VPS8: variants seen among roughly 807,000 people sequenced by gnomAD.
The protein encoded by VPS8 is vacuolar protein sorting-associated protein 8 homolog.
In VPS8, 129 loss-of-function variants were observed where a neutral mutation model predicts 216.4. The ratio of observed to expected loss-of-function variants is 0.60; its 90% confidence interval spans 0.52 to 0.69. VPS8 has a LOEUF of 0.69. Ranked by LOEUF, VPS8 falls within the 30% of genes least tolerant of loss-of-function variation. The pLI is 0.00. For synonymous variants in VPS8, 571 were observed against 565.4 expected, an observed-to-expected ratio of 1.01 and a Z score of -0.14; for missense variants, 1,531 against 1,683.5, an observed-to-expected ratio of 0.91 and a Z score of 1.59.
In VPS8 at chr3:184,849,204, T is replaced by C. The variant is rs1723778015; in HGVS notation, c.666+9T>C. 5 of 1,610,068 alleles carry C rather than the reference T, an allele frequency of 3.1e-6. No individual in the cohort carries two copies. Among genetic ancestry groups the C allele is most frequent in the African/African-American group, 1.3e-5 (1 of 74,712 alleles). On this transcript the variant is annotated intron_variant, in intron 9 of 47. Transcript: ENST00000625842. ...GCTTTGCTAAAGGACAGGTAAGATA[T>C]GAACCTCCTTTAATTCATAAGACAA...
chr3:184,964,407 G>A lies in VPS8; in HGVS notation c.3184-61G>A, dbSNP rs193263727. ...ATATGAGTTTTTTCATCCTCAATGGGATCTTCCCACTCCACAAATAAGATT... is the reference window on the plus strand; with the variant it reads ...ATATGAGTTTTTTCATCCTCAATGGAATCTTCCCACTCCACAAATAAGATT... On this transcript the variant is annotated intron_variant, in intron 37 of 47. Coordinates refer to ENST00000625842, the MANE Select transcript of VPS8 (RefSeq NM_001009921.3). The A allele has an allele frequency of 7.5e-5, 80 of 1,063,980 alleles. No homozygotes were observed. In the African/African-American group the frequency reaches 1.1e-3, roughly 15 times the overall value. The allele number at this position is 1,063,980 out of a possible 1,614,324, so 65.9% of individuals were successfully genotyped here.
intron 30 of VPS8, among the ~76,000 whole-genome samples, chr3:184,925,914 C>T (rs1236113304): frequency 6.6e-6 from 1 of 151,128 alleles, no homozygotes; most frequent in African/African-American, 2.4e-5. Context: ...GCTGGGATTA[C>T]AGGCACATAC....
chr3:184,968,547 C>T (rs1747800668), intron 39 of VPS8, among the ~76,000 whole-genome samples: 1 of 152,140 alleles, frequency 6.6e-6, no homozygotes, highest in South Asian at 2.1e-4. Flanking sequence ...CATTTATATT[C>T]TCTTTTTTTT....
In VPS8 at chr3:184,854,149, A is replaced by G. The variant is rs375397073; in HGVS notation, c.1011A>G (p.Val337=). The change falls in exon 13 of 48, where the codon GTA becomes GTG. Residue 337 remains valine, a synonymous_variant. Coordinates refer to ENST00000625842, the MANE Select transcript of VPS8 (RefSeq NM_001009921.3). ...LVIGLKPSLK[V]WMTFPYGRMD... is the part of the protein sequence containing the mutation. ...TTGGATTGAAACCATCCTTGAAAGT[A>G]TGGATGACTTTTCCCTATGGCCGGG... The G allele has an allele frequency of 2.5e-6, 4 of 1,613,832 alleles. No individual in the cohort carries two copies. Among genetic ancestry groups the G allele is most frequent in the Non-Finnish European group, 3.4e-6 (4 of 1,179,768 alleles).
At position 184,957,479 on chromosome 3, in the gene VPS8, T is replaced by A. The variant is rs376393613; in HGVS notation, c.3141T>A (p.Thr1047=). 7 of 1,612,402 alleles carry A rather than the reference T, an allele frequency of 4.3e-6. No homozygotes were observed. The highest frequency in any genetic ancestry group is 5.9e-6 in the Non-Finnish European group (7 of 1,179,280). ...CQFNPTQVIE[T]LQVLECYRLE... is the part of the protein sequence containing the mutation. ...TCAACCCAACCCAAGTTATAGAGAC[T>A]CTGCAAGTCCTTGAGTGCTACCGTC... Residue 1047 remains threonine, a synonymous_variant, in exon 37 of 48, where the codon ACT becomes ACA. Coordinates refer to ENST00000625842, the MANE Select transcript of VPS8 (RefSeq NM_001009921.3).
intron 46 of VPS8, among the ~76,000 whole-genome samples, chr3:185,024,654 A>C (rs553687655): frequency 2.0e-5 from 3 of 152,316 alleles, no homozygotes; most frequent in African/African-American, 7.2e-5. Flanking sequence ...GGTATCAATG[A>C]GTGGTAGTAG....
chr3:184,936,273 G>A lies in VPS8; in HGVS notation c.2926G>A (p.Ala976Thr). The A allele has an allele frequency of 1.2e-6, 2 of 1,611,078 alleles. No homozygotes were observed. The highest frequency in any genetic ancestry group is 1.7e-6 in the Non-Finnish European group (2 of 1,178,676). Residue 976 changes from alanine to threonine, a missense_variant, in exon 35 of 48, where the codon GCT becomes ACT. Transcript: ENST00000625842. ...EELVSLKPCK[A>T]AELVATHFSG... ...ACTCGTGTCCCTGAAGCCTTGTAAA[G>A]CTGCGGAGCTGGTTGCCACCCACTT... is the stretch of plus-strand genomic sequence containing the variant.
chr3:184,821,062 T>A (rs1344911505), intron 1 of VPS8, among the ~76,000 whole-genome samples: 1 of 152,186 alleles, frequency 6.6e-6, no homozygotes, highest in Non-Finnish European at 1.5e-5. Context: ...ACTTTGAAAA[T>A]TTTGAGGTTT....
At chr3:184,886,476 C>A (rs929553402) in intron 22 of VPS8, among the ~76,000 whole-genome samples, 1 of 151,712 alleles carries the variant, frequency 6.6e-6, no homozygotes, top group African/African-American at 2.4e-5. Context: ...TATATACACA[C>A]ACACACGCAT....
chr3:184,826,351 G>A (rs777817717), intron 3 of VPS8, 120 bp downstream of exon 3: 2 of 568,904 alleles, frequency 3.5e-6, no homozygotes, highest in Non-Finnish European at 5.9e-6. Context: ...CACTAGTCGT[G>A]TGTGTCAGTT....
chr3:184,939,275 T>G (rs1742214572), intron 35 of VPS8, among the ~76,000 whole-genome samples: 2 of 151,942 alleles, frequency 1.3e-5, no homozygotes, highest in African/African-American at 4.8e-5. Context: ...TAACACAAAG[T>G]GATAGTGAAA....
At chr3:184,818,038 AAAAGG>A (rs1716713850) in intron 1 of VPS8, among the ~76,000 whole-genome samples, 1 of 152,190 alleles carries the variant, frequency 6.6e-6, no homozygotes, top group African/African-American at 2.4e-5. Context: ...AATGTAGAGA[AAAAGG>A]AAAGGAAAGG....
chr3:184,965,064 G>A (rs1747165472), intron 38 of VPS8, among the ~76,000 whole-genome samples: 1 of 152,142 alleles, frequency 6.6e-6, no homozygotes, highest in African/African-American at 2.4e-5. Flanking sequence ...CAACACTCAG[G>A]GGTTCCAGTT....
At chr3:185,012,202 A>G (rs1755106466) in intron 45 of VPS8, among the ~76,000 whole-genome samples, 1 of 149,320 alleles carries the variant, frequency 6.7e-6, no homozygotes. Context: ...TACAAATTAT[A>G]GCTATATCTA....
intron 42 of VPS8, among the ~76,000 whole-genome samples, chr3:184,990,367 G>C (rs1377713286): frequency 6.6e-6 from 1 of 152,140 alleles, no homozygotes; most frequent in Admixed American, 6.5e-5. Context: ...TGTGAGTTTT[G>C]TAAAAGCAGA....
At chr3:184,896,144 G>A (rs1014038558) in intron 23 of VPS8, among the ~76,000 whole-genome samples, 5 of 152,058 alleles carry the variant, frequency 3.3e-5, no homozygotes, top group African/African-American at 1.2e-4. Flanking sequence ...CTGTGAGTTT[G>A]CAAAGTAAAG....
At chr3:185,004,018 G>A (rs556799511) in intron 45 of VPS8, among the ~76,000 whole-genome samples, 6 of 151,900 alleles carry the variant, frequency 3.9e-5, no homozygotes, top group African/African-American at 9.7e-5. Flanking sequence ...GGGCAGAGAC[G>A]CTCCTCACTT....
intron 36 of VPS8, among the ~76,000 whole-genome samples, chr3:184,948,566 A>G (rs1230361774): frequency 6.6e-6 from 1 of 152,170 alleles, no homozygotes; most frequent in African/African-American, 2.4e-5. Context: ...CAAGCCACGG[A>G]CTTTACCAGT....
chr3:184,876,380 A>C (rs1382090677), intron 21 of VPS8, among the ~76,000 whole-genome samples: 12 of 151,624 alleles, frequency 7.9e-5, no homozygotes, highest in African/African-American at 2.9e-4. Flanking sequence ...TCCCAGGCCT[A>C]CTGAATCAGA....
Sources: allele counts gnomAD v4.1 joint callset (sites outside exome capture counted in the v4.1 genomes callset), GRCh38; gene constraint gnomAD v4.1.1; transcripts MANE v1.5; gene names NCBI Gene and HGNC (gene_info 2026-07-23, HGNC 2026-07-21).